Variants in SLIT2 observed in about 807,000 individuals in gnomAD.
The protein encoded by SLIT2 is slit homolog 2 protein.
SLIT2 carries 41 observed loss-of-function variants against 185.7 expected under a neutral mutation model. That is an observed-to-expected ratio of 0.22 (90% CI 0.17 to 0.29). The LOEUF is 0.29. SLIT2 is among the 10% of genes least tolerant of loss of function. The probability of loss-of-function intolerance (pLI) is 1.00; values close to 1 mark genes in which losing one functional copy is unlikely to be tolerated. For missense variants in SLIT2, 1,571 were observed against 1,909.0 expected, an observed-to-expected ratio of 0.82 and a Z score of 3.30; for synonymous variants, 693 against 680.2, an observed-to-expected ratio of 1.02 and a Z score of -0.29.
chr4:20,577,884 A>C (rs1408951285), intron 29 of SLIT2, among the ~76,000 whole-genome samples: 1 of 152,168 alleles, frequency 6.6e-6, no homozygotes, highest in Admixed American at 6.5e-5. Context: ...TTCCTCAAAC[A>C]TTCCACTTAA....
chr4:20,554,728 C>A (rs1577916605), intron 26 of SLIT2, among the ~76,000 whole-genome samples: 1 of 150,218 alleles, frequency 6.7e-6, no homozygotes, highest in East Asian at 1.9e-4. Flanking sequence ...TACTATTATT[C>A]TTAGATTGTG....
chr4:20,415,410 C>CAAAAAAAAAAAA (rs371123614), intron 4 of SLIT2, among the ~76,000 whole-genome samples: 2 of 65,480 alleles, frequency 3.1e-5, no homozygotes, highest in South Asian at 1.6e-3. Context: ...GACTCCGTCT[C>CAAAAAAAAAAAA]AAAAAAAAAA....
intron 29 of SLIT2, among the ~76,000 whole-genome samples, chr4:20,582,333 A>G (rs1231826826): frequency 6.6e-6 from 1 of 152,196 alleles, no homozygotes; most frequent in Non-Finnish European, 1.5e-5. Flanking sequence ...TCTTCAGAGG[A>G]AACAGTCCCT....
Position 20,529,088 on chromosome 4 carries a change from C to T in SLIT2, c.1602C>T (p.Tyr534=). The part of the protein sequence containing the change: ...LNKIPEHIPQ[Y]TAELRLNNNE... Reference sequence around the variant, plus strand: ...AAATCCCGGAGCACATTCCCCAGTACACTGCAGAGTTGTAAGTTCATCCCC... The same window carrying T: ...AAATCCCGGAGCACATTCCCCAGTATACTGCAGAGTTGTAAGTTCATCCCC... The change falls in exon 16 of 37, where the codon TAC becomes TAT. Residue 534 remains tyrosine (Y), a synonymous_variant. Transcript: ENST00000504154. The T allele has an allele frequency of 6.2e-7, 1 of 1,612,294 alleles. No individual in the cohort carries two copies. Among genetic ancestry groups the T allele is most frequent in the Middle Eastern group, 1.7e-4 (1 of 6,048 alleles).
At position 20,350,891 on chromosome 4, in the gene SLIT2, C is replaced by T. The variant is rs183565260; in HGVS notation, c.395+82010C>T. On this transcript the variant is annotated intron_variant, in intron 4 of 36. Coordinates refer to ENST00000504154, the MANE Select transcript of SLIT2 (RefSeq NM_004787.4). The stretch of plus-strand genomic sequence containing the variant: ...ATAAAAGTAATATAATATTAAAATG[C>T]GTATTCTTTCTATTAAATTATCTTT... Among the ~76,000 whole-genome samples the T allele has an allele frequency of 6.7e-3, 1,023 of 152,014 alleles. 13 individuals are homozygous for T. The highest frequency in any genetic ancestry group is 0.023 in the African/African-American group (963 of 41,464).
intron 16 of SLIT2, among the ~76,000 whole-genome samples, chr4:20,529,797 G>A (rs1721622291): frequency 6.6e-6 from 1 of 152,100 alleles, no homozygotes; most frequent in Non-Finnish European, 1.5e-5. Flanking sequence ...TAACAATTCA[G>A]GGAAAAAACT....
At chr4:20,385,477 C>T (rs939907612) in intron 4 of SLIT2, among the ~76,000 whole-genome samples, 4 of 152,046 alleles carry the variant, frequency 2.6e-5, no homozygotes, top group Admixed American at 6.6e-5. Context: ...TATAGCTTGG[C>T]CAAGTTCAGA....
chr4:20,458,228 A>G (rs1251830316), intron 4 of SLIT2, among the ~76,000 whole-genome samples: 1 of 152,150 alleles, frequency 6.6e-6, no homozygotes, highest in Non-Finnish European at 1.5e-5. Context: ...CATGTTATAA[A>G]ATAGTGGACT....
intron 32 of SLIT2, among the ~76,000 whole-genome samples, chr4:20,597,365 G>T (rs1190929507): frequency 6.6e-6 from 1 of 152,078 alleles, no homozygotes; most frequent in Non-Finnish European, 1.5e-5. Context: ...ACTGCGCTCA[G>T]CCAACCAGCA....
chr4:20,257,206 A>G (rs1711943097), intron 2 of SLIT2, among the ~76,000 whole-genome samples: 1 of 152,092 alleles, frequency 6.6e-6, no homozygotes, highest in Non-Finnish European at 1.5e-5. Context: ...AGAGTTTATA[A>G]TGATACATTA....
At position 20,388,144 on chromosome 4, in the gene SLIT2, A is replaced by AAAAC. The variant is rs575892112; in HGVS notation, c.396-79606_396-79605insACAA. Among the ~76,000 whole-genome samples, 237 of 152,268 alleles carry AAAAC rather than the reference A, an allele frequency of 1.6e-3. 1 individual carries two copies. The highest frequency in any genetic ancestry group is 0.015 in the South Asian group (70 of 4,826). On this transcript the variant is annotated intron_variant, in intron 4 of 36. Coordinates refer to ENST00000504154, the MANE Select transcript of SLIT2 (RefSeq NM_004787.4). ...ATAGAACATCATATTTGCTGGTAAA[A>AAAAC]AATGCAAAGTTTTCTTAAATATGGT...
chr4:20,314,481 A>G (rs548197847), intron 4 of SLIT2, among the ~76,000 whole-genome samples: 26 of 152,216 alleles, frequency 1.7e-4, no homozygotes, highest in Non-Finnish European at 3.4e-4. Context: ...TCTGAGATAC[A>G]TGACTTAATA....
intron 14 of SLIT2, among the ~76,000 whole-genome samples, chr4:20,524,831 G>A (rs1196507646): frequency 6.6e-6 from 1 of 152,050 alleles, no homozygotes; most frequent in Non-Finnish European, 1.5e-5. Context: ...TGTTTGCTTT[G>A]ATCTAATATT....
intron 5 of SLIT2, among the ~76,000 whole-genome samples, chr4:20,469,751 C>CT (rs33912349): frequency 0.38 from 34,549 of 90,930 alleles, 7,723 homozygotes; most frequent in Middle Eastern, 0.46. Context: ...TTAGTTTTTA[C>CT]TTTTTTTTTT....
chr4:20,379,514 G>A (rs1724320206), intron 4 of SLIT2, among the ~76,000 whole-genome samples: 1 of 151,978 alleles, frequency 6.6e-6, no homozygotes, highest in Admixed American at 6.6e-5. Flanking sequence ...TTCTTTGGTA[G>A]CAATTTAAAT....
At chr4:20,467,282 C>T (rs1189042188) in intron 4 of SLIT2, among the ~76,000 whole-genome samples, 1 of 152,092 alleles carries the variant, frequency 6.6e-6, no homozygotes, top group Admixed American at 6.6e-5. Flanking sequence ...AAAACTTAAT[C>T]ATACTGTCCA....
intron 4 of SLIT2, among the ~76,000 whole-genome samples, chr4:20,419,251 G>A (rs1466302670): frequency 6.6e-6 from 1 of 152,024 alleles, no homozygotes; most frequent in Non-Finnish European, 1.5e-5. Flanking sequence ...TAATTCCTTT[G>A]TATATGTGTG....
chr4:20,614,787 A>AT (rs1395159443), intron 34 of SLIT2: 1 of 152,192 alleles, frequency 6.6e-6, no homozygotes. Flanking sequence ...TCAAAAAAAA[A>AT]AAAAAAAAAT....
Position 20,253,957 on chromosome 4 carries a change from A to G in SLIT2, c.142A>G (p.Ser48Gly). Residue 48 changes from serine (S) to glycine (G), a missense_variant, in exon 1 of 37, where the codon AGC (serine) becomes GGC (glycine). Ser to Gly is a moderately conservative substitution (Grantham distance 56). Coordinates refer to ENST00000504154, the MANE Select transcript of SLIT2 (RefSeq NM_004787.4). ...TVDCHGLALR[S>G]VPRNIPRNTE... ...GGACTGTCACGGGCTGGCGCTGCGC[A>G]GCGTGCCCAGGAATATCCCCCGCAA... 1.2e-6 allele frequency: 2 copies of G among 1,602,956 alleles called. No individual in the cohort carries two copies. The highest frequency in any genetic ancestry group is 1.7e-6 in the Non-Finnish European group (2 of 1,179,796).
Sources: allele counts gnomAD v4.1 joint callset (sites outside exome capture counted in the v4.1 genomes callset), GRCh38; gene constraint gnomAD v4.1.1; transcripts MANE v1.5; gene names NCBI Gene and HGNC (gene_info 2026-07-23, HGNC 2026-07-21).